ULK4: variants seen among roughly 807,000 people sequenced by gnomAD.
ULK4 encodes the protein unc-51 like kinase 4, also known as inactive serine/threonine-protein kinase ULK4.
A neutral mutation model predicts 160.6 loss-of-function variants in ULK4; 133 were observed. That is an observed-to-expected ratio of 0.83 (90% CI 0.72 to 0.96). ULK4 has a LOEUF of 0.96. Ranked by LOEUF, ULK4 falls within the 40% of genes least tolerant of loss-of-function variation. ULK4 has a pLI of 0.00. For synonymous variants in ULK4, 534 were observed against 539.8 expected, an observed-to-expected ratio of 0.99 and a Z score of 0.15; for missense variants, 1,580 against 1,499.5, an observed-to-expected ratio of 1.05 and a Z score of -0.89.
intron 19 of ULK4, among the ~76,000 whole-genome samples, chr3:41,813,404 T>C (rs921431495): frequency 6.6e-6 from 1 of 152,242 alleles, no homozygotes; most frequent in Admixed American, 6.5e-5. Flanking sequence ...TATAGTTTAT[T>C]AGATAATTCT....
intron 19 of ULK4, among the ~76,000 whole-genome samples, chr3:41,809,863 G>C (rs1291074238): frequency 6.6e-6 from 1 of 152,090 alleles, no homozygotes; most frequent in African/African-American, 2.4e-5. Flanking sequence ...TGTTGACTGA[G>C]AGTACATCTA....
At chr3:41,946,644 GA>G (rs749197902) in intron 2 of ULK4, among the ~76,000 whole-genome samples, 21 of 152,298 alleles carry the variant, frequency 1.4e-4, no homozygotes, top group Non-Finnish European at 2.8e-4. Flanking sequence ...CCAACGTAGT[GA>G]AATTTTCCCT....
At chr3:41,279,288 G>T (rs1011433915) in intron 35 of ULK4, among the ~76,000 whole-genome samples, 18 of 134,104 alleles carry the variant, frequency 1.3e-4, no homozygotes, top group African/African-American at 4.6e-4. Context: ...AAACGACAAA[G>T]CCTCCAAGAA....
intron 30 of ULK4, among the ~76,000 whole-genome samples, chr3:41,630,679 T>G (rs2033704670): frequency 6.6e-6 from 1 of 152,228 alleles, no homozygotes; most frequent in South Asian, 2.1e-4. Flanking sequence ...GATACACCAG[T>G]GGCTGGAAAT....
intron 1 of ULK4, among the ~76,000 whole-genome samples, chr3:41,957,540 A>G (rs1264119077): frequency 3.3e-5 from 5 of 151,786 alleles, no homozygotes; most frequent in African/African-American, 4.8e-5. Flanking sequence ...AATTCACAAC[A>G]TATCTACATA....
At chr3:41,696,353 T>C (rs543654475) in intron 27 of ULK4, among the ~76,000 whole-genome samples, 1 of 152,178 alleles carries the variant, frequency 6.6e-6, no homozygotes. Context: ...AATAATGGTG[T>C]AAGCTGTCTC....
intron 31 of ULK4, among the ~76,000 whole-genome samples, chr3:41,609,143 CT>C (rs373491352): frequency 6.7e-4 from 102 of 151,146 alleles, no homozygotes; most frequent in African/African-American, 2.3e-3. Context: ...TCTATTTTAG[CT>C]TTTTTTTTCA....
intron 35 of ULK4, among the ~76,000 whole-genome samples, chr3:41,358,503 C>A (rs945287639): frequency 3.9e-5 from 6 of 152,222 alleles, no homozygotes; most frequent in Middle Eastern, 3.4e-3. Flanking sequence ...CAGGGAAGGC[C>A]TCTCTGACAG....
At chr3:41,412,075 G>C (rs2082420482) in intron 34 of ULK4, among the ~76,000 whole-genome samples, 1 of 152,140 alleles carries the variant, frequency 6.6e-6, no homozygotes, top group South Asian at 2.1e-4. Context: ...CAAGGTACTG[G>C]AGTCCACGAG....
In ULK4 at chr3:41,931,320, G is replaced by A. The variant is rs143857881; in HGVS notation, c.541+524C>T. Among the ~76,000 whole-genome samples, 14 of 152,014 alleles carry A rather than the reference G, an allele frequency of 9.2e-5. No homozygotes were observed. The East Asian group carries it at 1.7e-3, about 19-fold the overall frequency. On this transcript the variant is annotated intron_variant, in intron 5 of 36. Coordinates refer to ENST00000301831, the MANE Select transcript of ULK4 (RefSeq NM_017886.4). ...CACAGGGAGGGGAACATCACACACC[G>A]GGGCCTGTCAGGGGGTAGGGGTCTA...
At chr3:41,423,437 C>T (rs1416166013) in intron 34 of ULK4, among the ~76,000 whole-genome samples, 3 of 152,108 alleles carry the variant, frequency 2.0e-5, no homozygotes, top group Non-Finnish European at 2.9e-5. Flanking sequence ...TTGCTACAAT[C>T]AATGGAAAAG....
At chr3:41,622,164 G>C (rs1470007154) in intron 30 of ULK4, among the ~76,000 whole-genome samples, 1 of 152,188 alleles carries the variant, frequency 6.6e-6, no homozygotes, top group Non-Finnish European at 1.5e-5. Flanking sequence ...CTGTTGGTGG[G>C]AGTGTAAATT....
At chr3:41,377,174 T>G (rs1360731871) in intron 35 of ULK4, among the ~76,000 whole-genome samples, 49 of 152,110 alleles carry the variant, frequency 3.2e-4, no homozygotes, top group African/African-American at 1.2e-3. Flanking sequence ...CTAGCCATAG[T>G]AGAAAGCTGA....
intron 16 of ULK4, among the ~76,000 whole-genome samples, chr3:41,889,980 C>G (rs918565885): frequency 6.6e-6 from 1 of 152,126 alleles, no homozygotes; most frequent in African/African-American, 2.4e-5. Flanking sequence ...AAACATTATG[C>G]TAAATGACAG....
intron 19 of ULK4, among the ~76,000 whole-genome samples, chr3:41,812,297 A>C (rs768826735): frequency 6.6e-5 from 10 of 151,660 alleles, no homozygotes; most frequent in Non-Finnish European, 1.2e-4. Context: ...AAACAAACAA[A>C]ACAAAACAAA....
chr3:41,960,207 T>TC (rs1700621469), intron 1 of ULK4, among the ~76,000 whole-genome samples: 1 of 152,156 alleles, frequency 6.6e-6, no homozygotes, highest in African/African-American at 2.4e-5. Context: ...TAATCTTTAG[T>TC]CACATCTGAC....
rs552589914 is a variant in ULK4, at chr3:41,481,601, G to C, written c.3227-18348C>G. 6.4e-4 allele frequency among the ~76,000 whole-genome samples: 98 copies of C among 152,114 alleles called. No homozygotes were observed. In the South Asian group the frequency reaches 0.02, roughly 31 times the overall value. On this transcript the variant is annotated intron_variant, in intron 32 of 36. Transcript: ENST00000301831. ...CCAGCACTTTGGGAGGCCGAGGCGG[G>C]CGGATCACGAGGTCAGGAGATCGAG...
intron 17 of ULK4, among the ~76,000 whole-genome samples, chr3:41,868,439 AC>A (rs1696973784): frequency 6.6e-6 from 1 of 152,160 alleles, no homozygotes; most frequent in African/African-American, 2.4e-5. Context: ...TGTAAGTCTA[AC>A]TTCCCATTTA....
intron 30 of ULK4, among the ~76,000 whole-genome samples, chr3:41,639,740 C>T (rs148432957): frequency 2.1e-4 from 32 of 152,148 alleles, no homozygotes; most frequent in African/African-American, 6.0e-4. Flanking sequence ...TAAATAAATA[C>T]ATGTATCTGT....
Sources: allele counts gnomAD v4.1 joint callset (sites outside exome capture counted in the v4.1 genomes callset), GRCh38; gene constraint gnomAD v4.1.1; transcripts MANE v1.5; gene names NCBI Gene and HGNC (gene_info 2026-07-23, HGNC 2026-07-21).